UGCG: variants seen among roughly 807,000 people sequenced by gnomAD.
The protein encoded by UGCG is ceramide glucosyltransferase.
A neutral mutation model predicts 49.5 loss-of-function variants in UGCG; 10 were observed. The observed-to-expected ratio is 0.20, with a 90% CI of 0.12 to 0.34. UGCG has a LOEUF of 0.34. Ranked by LOEUF, UGCG falls within the 10% of genes least tolerant of loss-of-function variation. The pLI is 1.00. For missense variants in UGCG, 312 were observed against 483.7 expected (o/e 0.65, Z 3.33); for synonymous variants, 182 against 158.2 (o/e 1.15, Z -1.13).
chr9:111,912,782 C>G (rs1242001025), intron 1 of UGCG, among the ~76,000 whole-genome samples: 1 of 152,090 alleles, frequency 6.6e-6, no homozygotes, highest in African/African-American at 2.4e-5. Context: ...AGTAGCACTG[C>G]GATAGATGGT....
chr9:111,915,144 G>T (rs978830555), intron 2 of UGCG, among the ~76,000 whole-genome samples: 1 of 152,206 alleles, frequency 6.6e-6, no homozygotes, highest in African/African-American at 2.4e-5. Context: ...AACTAAACGT[G>T]ACTTCTCCGG....
chr9:111,904,908 C>T (rs1837851997), intron 1 of UGCG, among the ~76,000 whole-genome samples: 1 of 152,068 alleles, frequency 6.6e-6, no homozygotes, highest in Admixed American at 6.6e-5. Context: ...GGAGGATCGC[C>T]TGAGGCCAGG....
At chr9:111,897,370 C>G in intron 1 of UGCG, 57 bp downstream of exon 1, 1 of 1,411,428 alleles carries the variant, frequency 7.1e-7, no homozygotes. Flanking sequence ...CGGAGACAGG[C>G]GAGAATGGGA....
intron 1 of UGCG, among the ~76,000 whole-genome samples, chr9:111,905,459 CT>C (rs35643596): frequency 0.028 from 4,129 of 145,662 alleles, 85 homozygotes; most frequent in South Asian, 0.046. Context: ...ATGCATTACT[CT>C]TTTTTTTTTT....
At chr9:111,911,868 G>A (rs1438756027) in intron 1 of UGCG, among the ~76,000 whole-genome samples, 3 of 131,008 alleles carry the variant, frequency 2.3e-5, no homozygotes, top group Non-Finnish European at 3.2e-5. Context: ...CCTGAGCAAC[G>A]GAGCAAGACC....
At position 111,897,318 on chromosome 9, in the gene UGCG, G is replaced by GTCC; in HGVS notation, c.98+6_98+7insCCT. 3.2e-6 allele frequency: 5 copies of GTCC among 1,552,062 alleles called. No homozygotes were observed. The highest frequency in any genetic ancestry group is 4.4e-6 in the Non-Finnish European group (5 of 1,148,394). On this transcript the variant is annotated splice_donor_region_variant and intron_variant, in intron 1 of 8. Transcript: ENST00000374279. ...TTTCATGGCTATCATCTACACGTGA[G>GTCC]TGAGGGACCGCAGGAGGGGCTCGGG...
At chr9:111,911,686 C>CT (rs1405706853) in intron 1 of UGCG, among the ~76,000 whole-genome samples, 1 of 151,332 alleles carries the variant, frequency 6.6e-6, no homozygotes, top group African/African-American at 2.4e-5. Context: ...TTCTTTGAGC[C>CT]TAGGAGTTCA....
At chr9:111,922,279 G>A (rs190510824) in intron 2 of UGCG, among the ~76,000 whole-genome samples, 1 of 152,178 alleles carries the variant, frequency 6.6e-6, no homozygotes, top group East Asian at 1.9e-4. Flanking sequence ...ATCAAATTCT[G>A]TTTTGTTTCA....
At chr9:111,899,832 C>T (rs960382944) in intron 1 of UGCG, among the ~76,000 whole-genome samples, 10 of 152,228 alleles carry the variant, frequency 6.6e-5, no homozygotes, top group African/African-American at 2.4e-4. Context: ...TATTTAGAGA[C>T]TTGTCCAGAA....
chr9:111,931,375 T>C lies in UGCG; in HGVS notation c.824+18T>C. 1 of 1,609,932 alleles carries C rather than the reference T, an allele frequency of 6.2e-7. No individual in the cohort carries two copies. Among genetic ancestry groups the C allele is most frequent in the Non-Finnish European group, 8.5e-7 (1 of 1,177,850 alleles). ...ATGATCAGGTAAATCAACTGTTTTC[T>C]TTTTATACTTCGTTAAAAGGAAAGT... On this transcript the variant is annotated intron_variant, in intron 7 of 8. Transcript: ENST00000374279.
At chr9:111,929,472 T>C in intron 5 of UGCG, 28 bp from the exon 6 acceptor site, 1 of 1,590,278 alleles carries the variant, frequency 6.3e-7, no homozygotes, top group Non-Finnish European at 8.6e-7. Flanking sequence ...GAAATTCTAA[T>C]CATACACGTT....
intron 7 of UGCG, 67 bp downstream of exon 7, chr9:111,931,424 C>T (rs1838422899): frequency 1.3e-6 from 2 of 1,481,808 alleles, no homozygotes; most frequent in Non-Finnish European, 1.9e-6. Flanking sequence ...GTAATTTTTA[C>T]AGGTTTAATG....
intron 7 of UGCG, among the ~76,000 whole-genome samples, 186 bp downstream of exon 7, chr9:111,931,543 T>G (rs770401217): frequency 1.2e-4 from 18 of 152,228 alleles, no homozygotes; most frequent in Non-Finnish European, 8.8e-5. Flanking sequence ...TTTTATTTGC[T>G]GTATAACACT....
intron 2 of UGCG, 136 bp downstream of exon 2, chr9:111,914,882 C>A: frequency 2.4e-6 from 3 of 1,260,902 alleles, no homozygotes; most frequent in Non-Finnish European, 3.2e-6. Context: ...TAAAATATAA[C>A]CTTTAGTAGT....
At chr9:111,900,304 C>G (rs934080768) in intron 1 of UGCG, among the ~76,000 whole-genome samples, 2 of 152,056 alleles carry the variant, frequency 1.3e-5, no homozygotes, top group Non-Finnish European at 2.9e-5. Context: ...CTATCCCATC[C>G]ACCTCATATT....
chr9:111,926,036 T>G (rs1244100039), intron 4 of UGCG, among the ~76,000 whole-genome samples: 1 of 152,224 alleles, frequency 6.6e-6, no homozygotes, highest in South Asian at 2.1e-4. Context: ...CTGAGGTCCT[T>G]TAGCCTCTGC....
chr9:111,897,328 G>A lies in UGCG; in HGVS notation c.98+15G>A. ...ATCATCTACACGTGAGTGAGGGACCGCAGGAGGGGCTCGGGGCAGGGGTCC... is the reference window on the plus strand; with the variant it reads ...ATCATCTACACGTGAGTGAGGGACCACAGGAGGGGCTCGGGGCAGGGGTCC... On this transcript the variant is annotated intron_variant, in intron 1 of 8. Coordinates refer to ENST00000374279, the MANE Select transcript of UGCG (RefSeq NM_003358.3). 1 of 1,545,002 alleles carries A rather than the reference G, an allele frequency of 6.5e-7. No individual in the cohort carries two copies. The highest frequency in any genetic ancestry group is 8.7e-7 in the Non-Finnish European group (1 of 1,143,992).
intron 8 of UGCG, 110 bp from the exon 9 acceptor site, chr9:111,932,717 T>C (rs1268660041): frequency 9.4e-7 from 1 of 1,060,246 alleles, no homozygotes; most frequent in Non-Finnish European, 1.3e-6. Context: ...GGAAGCAGAC[T>C]TGATTTTACA....
intron 2 of UGCG, among the ~76,000 whole-genome samples, chr9:111,918,165 C>T (rs1174580247): frequency 6.6e-6 from 1 of 152,114 alleles, no homozygotes; most frequent in Non-Finnish European, 1.5e-5. Flanking sequence ...TGTCAGCCTC[C>T]CGAGAAGTTG....
Sources: allele counts gnomAD v4.1 joint callset (sites outside exome capture counted in the v4.1 genomes callset), GRCh38; gene constraint gnomAD v4.1.1; transcripts MANE v1.5; gene names NCBI Gene and HGNC (gene_info 2026-07-23, HGNC 2026-07-21).